The following HDAC7 variants were observed in gnomAD, a reference collection of about 807,000 sequenced individuals.
HDAC7 encodes the protein histone deacetylase 7A.
Under a neutral mutation model 115.5 loss-of-function variants are expected in HDAC7, and 26 were observed. The ratio of observed to expected loss-of-function variants is 0.23; its 90% confidence interval spans 0.16 to 0.31. HDAC7 has a LOEUF of 0.31. Among genes scored for constraint, HDAC7 ranks in the 10% least tolerant of loss-of-function variants. The pLI is 1.00. For synonymous variants in HDAC7, 564 were observed against 550.9 expected (o/e 1.02, Z -0.33); for missense variants, 1,068 against 1,329.0 (o/e 0.80, Z 3.05).
chr12:47,798,358 A>G lies in HDAC7; in HGVS notation c.350-139T>C. On this transcript the variant is annotated intron_variant, in intron 4 of 25. Transcript: ENST00000080059. This position sits in a 1 kb window ranked among gnomAD's most constrained non-coding sequence, Gnocchi z 4.3. ...AGGCAAGAGCCAAGCCCGAGGCCCT[A>G]CCCCTCCCTAGAGCCTCCAGACACC... The G allele has an allele frequency of 1.3e-6, 1 of 797,852 alleles. No individual in the cohort carries two copies. Among genetic ancestry groups the G allele is most frequent in the East Asian group, 2.6e-5 (1 of 39,146 alleles). 49.4% of individuals were successfully genotyped at this position (797,852 alleles called of 1,614,324 possible).
intron 1 of HDAC7, among the ~76,000 whole-genome samples, chr12:47,807,353 C>T (rs1010771737): frequency 6.6e-6 from 1 of 152,206 alleles, no homozygotes; most frequent in Non-Finnish European, 1.5e-5. Context: ...GTTCTAAGTA[C>T]CCTACATTTG....
chr12:47,789,383 C>T (rs780480290), intron 18 of HDAC7, 35 bp from the exon 19 acceptor site: 3 of 1,595,432 alleles, frequency 1.9e-6, no homozygotes, highest in Non-Finnish European at 2.6e-6. Flanking sequence ...AGCCCATTCT[C>T]TCCACATGCC....
At chr12:47,814,716 T>C (rs779023710) in intron 1 of HDAC7, among the ~76,000 whole-genome samples, 8 of 152,306 alleles carry the variant, frequency 5.3e-5, no homozygotes, top group Admixed American at 2.6e-4. Context: ...CCCTTAGCCA[T>C]TGGTCAGCCC....
chr12:47,794,155 T>G (rs1320848139), intron 12 of HDAC7, among the ~76,000 whole-genome samples: 1 of 152,112 alleles, frequency 6.6e-6, no homozygotes, highest in Non-Finnish European at 1.5e-5. Flanking sequence ...GGAAACCACA[T>G]GAAGCCACAG....
intron 1 of HDAC7, among the ~76,000 whole-genome samples, chr12:47,810,804 G>C (rs1396734010): frequency 3.0e-5 from 4 of 131,686 alleles, no homozygotes; most frequent in Admixed American, 7.9e-5. Flanking sequence ...GGAGGAAAAG[G>C]TCTCTCTCTC....
intron 1 of HDAC7, among the ~76,000 whole-genome samples, chr12:47,811,675 A>G (rs1592697677): frequency 6.6e-6 from 1 of 152,342 alleles, no homozygotes; most frequent in East Asian, 1.9e-4. Flanking sequence ...CAGCATATAT[A>G]CGTACATAGA....
intron 1 of HDAC7, among the ~76,000 whole-genome samples, chr12:47,808,850 G>GGGC (rs1944522812): frequency 6.6e-6 from 1 of 152,238 alleles, no homozygotes; most frequent in East Asian, 1.9e-4. Flanking sequence ...AGATTTCTCA[G>GGGC]TTCCAAAAAG....
intron 14 of HDAC7, 70 bp downstream of exon 14, chr12:47,791,801 G>GGCCCCCCCCCCCCCCC: frequency 6.0e-6 from 9 of 1,511,020 alleles, no homozygotes; most frequent in Admixed American, 3.9e-5. Context: ...GGGCCCCAGG[G>GGCCCCCCCCCCCCCCC]CCCCCCACCC....
intron 1 of HDAC7, among the ~76,000 whole-genome samples, chr12:47,814,721 C>G (rs1237011675): frequency 6.6e-6 from 1 of 152,200 alleles, no homozygotes; most frequent in Non-Finnish European, 1.5e-5. Context: ...AGCCATTGGT[C>G]AGCCCAGGGC....
intron 25 of HDAC7, 76 bp downstream of exon 25, chr12:47,784,003 G>A (rs765162267): frequency 3.8e-5 from 61 of 1,600,424 alleles, no homozygotes; most frequent in African/African-American, 3.5e-4. Flanking sequence ...GCTGCATAGC[G>A]GACCCGGGGT....
intron 1 of HDAC7, among the ~76,000 whole-genome samples, chr12:47,810,172 C>T (rs1404511612): frequency 6.6e-6 from 1 of 152,188 alleles, no homozygotes; most frequent in Non-Finnish European, 1.5e-5. Context: ...TCTCAAACTC[C>T]TGAACTCACT....
upstream of HDAC7, among the ~76,000 whole-genome samples, chr12:47,821,258 A>G (rs1331731645): frequency 6.6e-6 from 1 of 152,196 alleles, no homozygotes; most frequent in East Asian, 1.9e-4. Context: ...GCTGGCGGTG[A>G]ACTTCAAACC....
In HDAC7 at chr12:47,795,453, G is replaced by C. The variant is rs2136963293; in HGVS notation, c.1088-73C>G. 2 of 1,396,758 alleles carry C rather than the reference G, an allele frequency of 1.4e-6. No individual in the cohort carries two copies. The highest frequency in any genetic ancestry group is 2.5e-5 in the South Asian group (2 of 81,058). The allele number at this position is 1,396,758 out of a possible 1,614,324, so 86.5% of individuals were successfully genotyped here. On this transcript the variant is annotated intron_variant, in intron 10 of 25. Coordinates refer to ENST00000080059, the MANE Select transcript of HDAC7 (RefSeq NM_015401.5). The surrounding 1 kb of genome is among the most constrained non-coding windows in gnomAD (Gnocchi z 4.3). ...TGGAAGGAAGCGAGGGTATAGGGTG[G>C]GGGGCCAGGGTGCAGCAGGGCAATG...
In HDAC7 at chr12:47,788,039, G is replaced by A. The variant is rs374699041; in HGVS notation, c.2355+6C>T. Reference sequence around the variant, plus strand: ...GCTGGAAGATGTGGCCCTGACATGCGGTTACCTCATCCACAGCCCCACTCC... The same window carrying A: ...GCTGGAAGATGTGGCCCTGACATGCAGTTACCTCATCCACAGCCCCACTCC... On this transcript the variant is annotated splice_donor_region_variant and intron_variant, in intron 20 of 25. Coordinates refer to ENST00000080059, the MANE Select transcript of HDAC7 (RefSeq NM_015401.5). 5.7e-5 allele frequency: 92 copies of A among 1,608,364 alleles called. No homozygotes were observed. The highest frequency in any genetic ancestry group is 7.2e-5 in the Non-Finnish European group (85 of 1,176,886).
chr12:47,802,589 G>T, intron 1 of HDAC7: 2 of 979,178 alleles, frequency 2.0e-6, no homozygotes, highest in Non-Finnish European at 3.1e-6. Flanking sequence ...TCCCTCCTGT[G>T]GTCAGATACA....
intron 21 of HDAC7, among the ~76,000 whole-genome samples, chr12:47,787,261 C>G (rs778195039): frequency 6.6e-6 from 1 of 152,156 alleles, no homozygotes; most frequent in Non-Finnish European, 1.5e-5. Context: ...CTGCCTTCCT[C>G]TACCCCTGAT....
In HDAC7 at chr12:47,795,548, A is replaced by G; in HGVS notation, c.1087+39T>C. The stretch of plus-strand genomic sequence containing the variant: ...CCAAGCTTGGCTCTTAGCAGGGTGC[A>G]GGGACCCAGCCCCTTCCCTGAAGAA... On this transcript the variant is annotated intron_variant, in intron 10 of 25. Coordinates refer to ENST00000080059, the MANE Select transcript of HDAC7 (RefSeq NM_015401.5). This position sits in a 1 kb window ranked among gnomAD's most constrained non-coding sequence, Gnocchi z 4.3. 6.5e-7 allele frequency: 1 copy of G among 1,542,842 alleles called. No individual in the cohort carries two copies. The highest frequency in any genetic ancestry group is 1.7e-4 in the Middle Eastern group (1 of 5,920).
At chr12:47,784,280 G>C in intron 24 of HDAC7, 63 bp from the exon 25 acceptor site, 1 of 1,510,654 alleles carries the variant, frequency 6.6e-7, no homozygotes. Flanking sequence ...CTGCGTCCTA[G>C]ACCGGATATT....
At chr12:47,785,613 AG>A (rs1943133433) in intron 23 of HDAC7, 138 bp downstream of exon 23, 2 of 1,377,736 alleles carry the variant, frequency 1.5e-6, no homozygotes, top group Admixed American at 4.8e-5. Flanking sequence ...CTTGGAACAG[AG>A]GCTTCCGCTT....
Sources: gnomAD v4.1 joint callset for allele counts (sites outside exome capture counted in the v4.1 genomes callset) on GRCh38, gnomAD v4.1.1 for gene constraint, Gnocchi (gnomAD v3.1) non-coding constraint, MANE v1.5 for transcripts, NCBI Gene and HGNC (gene_info 2026-07-23, HGNC 2026-07-21) for gene names.